RNLS: variants seen among roughly 807,000 people sequenced by gnomAD.
RNLS encodes renalase, FAD dependent amine oxidase.
Under a neutral mutation model 39.8 loss-of-function variants are expected in RNLS, and 39 were observed. That is an observed-to-expected ratio of 0.98 (90% CI 0.76 to 1.28). The LOEUF (loss-of-function observed/expected upper bound fraction) is 1.28, where lower values mean the gene tolerates loss of function less well. RNLS is among the 50% of genes most tolerant of loss of function. The pLI is 0.00. For synonymous variants in RNLS, 147 were observed against 150.7 expected, an observed-to-expected ratio of 0.98 and a Z score of 0.18; for missense variants, 410 against 413.3, an observed-to-expected ratio of 0.99 and a Z score of 0.07.
At chr10:88,281,408 C>T (rs1270072372), downstream of RNLS, among the ~76,000 whole-genome samples, 1 of 152,144 alleles carries the variant, frequency 6.6e-6, no homozygotes, top group Admixed American at 6.6e-5. Context: ...CGAATTAGAG[C>T]ATCTTATTCA....
At chr10:88,370,166 G>A (rs1441778962) in intron 4 of RNLS, among the ~76,000 whole-genome samples, 1 of 152,034 alleles carries the variant, frequency 6.6e-6, no homozygotes, top group African/African-American at 2.4e-5. Flanking sequence ...CCAAATCCAT[G>A]GGCCCAGGAG....
chr10:88,220,667 GC>G, the RNLS span, among the ~76,000 whole-genome samples: 1 of 152,206 alleles, frequency 6.6e-6, no homozygotes, highest in Admixed American at 6.5e-5. Context: ...TTGTAATAGA[GC>G]TGGGACCAGA....
the RNLS span, among the ~76,000 whole-genome samples, chr10:88,240,965 A>G: frequency 1.3e-5 from 2 of 151,190 alleles, no homozygotes; most frequent in Non-Finnish European, 2.9e-5. Flanking sequence ...ATTATTTATC[A>G]TCATATGTCT....
the RNLS span, among the ~76,000 whole-genome samples, chr10:88,226,915 A>T: frequency 6.6e-6 from 1 of 152,130 alleles, no homozygotes; most frequent in Non-Finnish European, 1.5e-5. Context: ...TACTTTAAAA[A>T]TCTGTCTGTT....
intron 4 of RNLS, among the ~76,000 whole-genome samples, chr10:88,512,467 A>G (rs1045139674): frequency 9.9e-5 from 15 of 152,060 alleles, no homozygotes; most frequent in African/African-American, 3.1e-4. Flanking sequence ...TCACCAAACA[A>G]CATAGGTAAT....
At chr10:88,580,785 C>G (rs57841856) in intron 3 of RNLS, among the ~76,000 whole-genome samples, 3 of 152,044 alleles carry the variant, frequency 2.0e-5, no homozygotes, top group African/African-American at 7.3e-5. Context: ...ATTAAAACCA[C>G]GAAGAGATCC....
chr10:88,302,544 T>G (rs1429606212), intron 6 of RNLS, among the ~76,000 whole-genome samples: 4 of 152,184 alleles, frequency 2.6e-5, no homozygotes, highest in African/African-American at 9.7e-5. Context: ...ACCTCTAAAT[T>G]TTTTTTAATT....
intron 5 of RNLS, among the ~76,000 whole-genome samples, chr10:88,350,319 T>C (rs980650110): frequency 4.6e-5 from 7 of 152,046 alleles, no homozygotes; most frequent in Non-Finnish European, 7.4e-5. Flanking sequence ...GCCATGTTGA[T>C]GTGCTGCATC....
chr10:88,356,214 A>G (rs1285727361), intron 5 of RNLS, among the ~76,000 whole-genome samples: 2 of 152,056 alleles, frequency 1.3e-5, no homozygotes, highest in East Asian at 1.9e-4. Context: ...GGTGTCCTGC[A>G]CCCACCATTC....
intron 4 of RNLS, among the ~76,000 whole-genome samples, chr10:88,494,180 A>G (rs2134077786): frequency 6.6e-6 from 1 of 152,306 alleles, no homozygotes; most frequent in Admixed American, 6.5e-5. Context: ...CAGCACTGTA[A>G]TTAGCTTCAG....
the RNLS span, among the ~76,000 whole-genome samples, chr10:88,191,471 T>C: frequency 2.0e-5 from 3 of 152,206 alleles, no homozygotes; most frequent in African/African-American, 4.8e-5. Context: ...TAAGTTTACA[T>C]TGTGGATTAA....
At chr10:88,286,349 T>C (rs1181912826) in intron 6 of RNLS, among the ~76,000 whole-genome samples, 2 of 152,042 alleles carry the variant, frequency 1.3e-5, no homozygotes, top group Non-Finnish European at 2.9e-5. Flanking sequence ...TTTATTTTCA[T>C]ATCTGAAAGT....
At chr10:88,512,628 T>A (rs1277180585) in intron 4 of RNLS, among the ~76,000 whole-genome samples, 1 of 152,182 alleles carries the variant, frequency 6.6e-6, no homozygotes, top group Non-Finnish European at 1.5e-5. Context: ...ACACATTTCA[T>A]AATGTAGTGT....
chr10:88,240,416 A>ATTTTT, the RNLS span, among the ~76,000 whole-genome samples: 2 of 136,866 alleles, frequency 1.5e-5, no homozygotes, highest in African/African-American at 5.5e-5. Context: ...CTTTTTTTAA[A>ATTTTT]AAAAAAAAAA....
chr10:88,523,188 A>C (rs559091654), intron 4 of RNLS, among the ~76,000 whole-genome samples: 1 of 152,270 alleles, frequency 6.6e-6, no homozygotes, highest in East Asian at 1.9e-4. Flanking sequence ...CATTTTTCTC[A>C]AGATTCCTTA....
chr10:88,425,992 G>T (rs1435255194), intron 4 of RNLS, among the ~76,000 whole-genome samples: 1 of 152,068 alleles, frequency 6.6e-6, no homozygotes, highest in African/African-American at 2.4e-5. Flanking sequence ...AAATTTTAAA[G>T]TTCCAGAATT....
chr10:88,321,479 C>G (rs2133095948), intron 5 of RNLS, among the ~76,000 whole-genome samples: 1 of 151,618 alleles, frequency 6.6e-6, no homozygotes, highest in Middle Eastern at 3.4e-3. Context: ...AAATTGTGAC[C>G]AACAAAATAT....
Position 88,583,096 on chromosome 10 carries a change from A to C in RNLS, c.95T>G (p.Val32Gly), listed in dbSNP as rs763392153. 6.2e-7 allele frequency: 1 copy of C among 1,613,934 alleles called. No homozygotes were observed. The highest frequency in any genetic ancestry group is 8.5e-7 in the Non-Finnish European group (1 of 1,179,888). ...ACCTGAGTCCTCAGCCTTGTCCCAC[A>C]CAGCAAGGTACAAGGGACCGGACGT... ...RQTSGPLYLA[V>G]WDKAEDSGGR... Residue 32 changes from valine to glycine, a missense_variant, in exon 1 of 7, where the codon GTG (valine) becomes GGG (glycine). Val to Gly is a moderately radical substitution (Grantham distance 109). Coordinates refer to ENST00000331772, the MANE Select transcript of RNLS (RefSeq NM_001031709.3).
chr10:88,389,483 G>GAATA (rs894242892), intron 4 of RNLS, among the ~76,000 whole-genome samples: 1 of 152,154 alleles, frequency 6.6e-6, no homozygotes, highest in African/African-American at 2.4e-5. Flanking sequence ...AGTCACGATG[G>GAATA]AATAAATATC....
Sources: gnomAD v4.1 joint callset for allele counts (sites outside exome capture counted in the v4.1 genomes callset) on GRCh38, gnomAD v4.1.1 for gene constraint, MANE v1.5 for transcripts, NCBI Gene and HGNC (gene_info 2026-07-23, HGNC 2026-07-21) for gene names.